Variants in TRPS1 observed in about 807,000 individuals in gnomAD.
TRPS1 encodes transcriptional repressor GATA binding 1, also known as zinc finger transcription factor Trps1.
TRPS1 carries 6 observed loss-of-function variants against 101.2 expected under a neutral mutation model. The ratio of observed to expected loss-of-function variants is 0.06; its 90% confidence interval spans 0.03 to 0.12. The LOEUF (loss-of-function observed/expected upper bound fraction) is 0.12, where lower values mean the gene tolerates loss of function less well. Ranked by LOEUF, TRPS1 falls within the 10% of genes least tolerant of loss-of-function variation. TRPS1 has a pLI of 1.00. For synonymous variants in TRPS1, 578 were observed against 589.8 expected (o/e 0.98, Z 0.29); for missense variants, 1,363 against 1,567.0 (o/e 0.87, Z 2.20).
chr8:115,538,701 CAT>C (rs756934106), intron 5 of TRPS1, among the ~76,000 whole-genome samples: 1 of 151,750 alleles, frequency 6.6e-6, no homozygotes, highest in Non-Finnish European at 1.5e-5. Flanking sequence ...TGCTAGATAC[CAT>C]ATGTTTTCTA....
At chr8:115,577,568 A>G (rs1246239309) in intron 5 of TRPS1, among the ~76,000 whole-genome samples, 1 of 152,154 alleles carries the variant, frequency 6.6e-6, no homozygotes, top group African/African-American at 2.4e-5. Context: ...TAAATACTCA[A>G]GGTAATGGAT....
chr8:115,451,774 T>C (rs892585707), intron 5 of TRPS1, among the ~76,000 whole-genome samples: 2 of 152,174 alleles, frequency 1.3e-5, no homozygotes, highest in Admixed American at 1.3e-4. Context: ...TTATGATGTA[T>C]AGGCAATGAG....
At chr8:115,562,632 G>A (rs1816972411) in intron 5 of TRPS1, among the ~76,000 whole-genome samples, 1 of 151,896 alleles carries the variant, frequency 6.6e-6, no homozygotes, top group South Asian at 2.1e-4. Flanking sequence ...ATATAGACTA[G>A]TCAGGCTGAA....
chr8:115,642,753 C>T (rs2130590323), intron 1 of TRPS1, among the ~76,000 whole-genome samples: 1 of 150,610 alleles, frequency 6.6e-6, no homozygotes, highest in South Asian at 2.1e-4. Flanking sequence ...CCAGCAAAAA[C>T]ATTAGTAAGT....
chr8:115,565,487 T>G (rs986560785), intron 5 of TRPS1, among the ~76,000 whole-genome samples: 2 of 72,206 alleles, frequency 2.8e-5, no homozygotes, highest in East Asian at 1.3e-3. Flanking sequence ...AAATGACAGG[T>G]TTTTTTTTTT....
chr8:115,460,893 G>A (rs1315248224), intron 5 of TRPS1, among the ~76,000 whole-genome samples: 1 of 152,082 alleles, frequency 6.6e-6, no homozygotes, highest in East Asian at 1.9e-4. Context: ...ATATTAGAAT[G>A]AATTTATCTC....
intron 1 of TRPS1, among the ~76,000 whole-genome samples, chr8:115,644,536 A>C (rs1818977811): frequency 6.6e-6 from 1 of 152,194 alleles, no homozygotes; most frequent in Admixed American, 6.5e-5. Context: ...TCTTCTACCC[A>C]ACCACTAAAA....
chr8:115,451,691 T>C lies in TRPS1; in HGVS notation c.2701-33239A>G, dbSNP rs537019896. On this transcript the variant is annotated intron_variant, in intron 5 of 6. Coordinates refer to ENST00000395715, the MANE Select transcript of TRPS1 (RefSeq NM_014112.5). ...GCTTCAATGACGTTCTGTTCAACCC[T>C]GGCACAAGATACCCTTTGCAGAAAA... 3.9e-5 allele frequency among the ~76,000 whole-genome samples: 6 copies of C among 152,336 alleles called. No homozygotes were observed. The South Asian group carries it at 1.2e-3, about 32-fold the overall frequency.
At chr8:115,653,241 T>C (rs1811603989) in intron 1 of TRPS1, among the ~76,000 whole-genome samples, 1 of 152,186 alleles carries the variant, frequency 6.6e-6, no homozygotes, top group African/African-American at 2.4e-5. Flanking sequence ...TCATAAGCAC[T>C]GATAGGGTTT....
chr8:115,601,798 T>C (rs1817913122), intron 4 of TRPS1, among the ~76,000 whole-genome samples: 1 of 152,162 alleles, frequency 6.6e-6, no homozygotes, highest in African/African-American at 2.4e-5. Context: ...TATTCATAAC[T>C]ACTGTGAAGT....
intron 1 of TRPS1, among the ~76,000 whole-genome samples, chr8:115,635,176 G>A (rs559022643): frequency 6.6e-6 from 1 of 152,280 alleles, no homozygotes; most frequent in East Asian, 1.9e-4. Flanking sequence ...GATGCAATAA[G>A]TTAGAATGCA....
chr8:115,592,924 G>A (rs969805985), intron 4 of TRPS1, among the ~76,000 whole-genome samples: 2 of 152,134 alleles, frequency 1.3e-5, no homozygotes, highest in African/African-American at 4.8e-5. Flanking sequence ...AAGTGTGTTG[G>A]CTTGGAGTGT....
In TRPS1 at chr8:115,577,820, T is replaced by C. The variant is rs1658022503; in HGVS notation, c.2700+9181A>G. 2.0e-5 allele frequency among the ~76,000 whole-genome samples: 3 copies of C among 152,122 alleles called. 1 individual carries two copies. In the South Asian group the frequency reaches 6.2e-4, roughly 32 times the overall value. On this transcript the variant is annotated intron_variant, in intron 5 of 6. Coordinates refer to ENST00000395715, the MANE Select transcript of TRPS1 (RefSeq NM_014112.5). The stretch of plus-strand genomic sequence containing the variant: ...TTTAAAGAAAAGAGAAATCAATTCT[T>C]TTCTCTTGTACTCCCTCAAAGCCCA...
At chr8:115,417,467 T>G (rs968068562) in intron 6 of TRPS1, among the ~76,000 whole-genome samples, 1 of 151,896 alleles carries the variant, frequency 6.6e-6, no homozygotes, top group Admixed American at 6.6e-5. Context: ...CCAAACGAAA[T>G]GAAAAAGGCA....
intron 5 of TRPS1, among the ~76,000 whole-genome samples, chr8:115,432,965 A>G (rs1297878041): frequency 6.6e-6 from 1 of 151,546 alleles, no homozygotes; most frequent in African/African-American, 2.4e-5. Context: ...AAAGTGGGGG[A>G]AGGGAGGAAT....
At chr8:115,543,813 T>C (rs924262756) in intron 5 of TRPS1, among the ~76,000 whole-genome samples, 6 of 151,670 alleles carry the variant, frequency 4.0e-5, no homozygotes, top group Non-Finnish European at 7.4e-5. Context: ...ACCTATCTTA[T>C]ACAATTCTTT....
chr8:115,574,847 G>A (rs953549183), intron 5 of TRPS1, among the ~76,000 whole-genome samples: 7 of 152,062 alleles, frequency 4.6e-5, no homozygotes, highest in Non-Finnish European at 7.4e-5. Context: ...ATACCTGGCT[G>A]ATTCTTTGCT....
intron 5 of TRPS1, among the ~76,000 whole-genome samples, chr8:115,568,975 AC>A (rs1313096609): frequency 6.6e-6 from 1 of 152,154 alleles, no homozygotes; most frequent in African/African-American, 2.4e-5. Context: ...TAAAAGATGA[AC>A]AAATGTTTTA....
chr8:115,591,961 C>T (rs771045764), intron 4 of TRPS1, among the ~76,000 whole-genome samples: 3 of 152,100 alleles, frequency 2.0e-5, no homozygotes, highest in Non-Finnish European at 2.9e-5. Flanking sequence ...GTCAAGAACA[C>T]AGGGCTTCAA....
Sources: allele counts gnomAD v4.1 joint callset (sites outside exome capture counted in the v4.1 genomes callset), GRCh38; gene constraint gnomAD v4.1.1; transcripts MANE v1.5; gene names NCBI Gene and HGNC (gene_info 2026-07-23, HGNC 2026-07-21).